The following ADCY7 variants were observed in gnomAD, a reference collection of about 807,000 sequenced individuals.
ADCY7 encodes adenylate cyclase type 7.
Under a neutral mutation model 120.6 loss-of-function variants are expected in ADCY7, and 72 were observed. The observed-to-expected ratio is 0.60, with a 90% CI of 0.49 to 0.73. The LOEUF (loss-of-function observed/expected upper bound fraction) is 0.73. Among genes scored for constraint, ADCY7 ranks in the 30% least tolerant of loss-of-function variants. ADCY7 has a pLI of 0.00. For synonymous variants in ADCY7, 661 were observed against 628.0 expected, an observed-to-expected ratio of 1.05 and a Z score of -0.78; for missense variants, 1,227 against 1,486.0, an observed-to-expected ratio of 0.83 and a Z score of 2.87.
intron 7 of ADCY7, among the ~76,000 whole-genome samples, 198 bp downstream of exon 7, chr16:50,294,949 C>G (rs2035249198): frequency 6.6e-6 from 1 of 152,116 alleles, no homozygotes; most frequent in Non-Finnish European, 1.5e-5. Flanking sequence ...ATCCTGTGCC[C>G]CCAGAGTGAC....
At chr16:50,273,474 C>G (rs1487750106) in intron 1 of ADCY7, among the ~76,000 whole-genome samples, 1 of 152,224 alleles carries the variant, frequency 6.6e-6, no homozygotes, top group Non-Finnish European at 1.5e-5. Flanking sequence ...TGTGTTGTAG[C>G]AGCAGCAGTG....
At chr16:50,296,087 C>T (rs2035331891) in intron 7 of ADCY7, among the ~76,000 whole-genome samples, 1 of 152,212 alleles carries the variant, frequency 6.6e-6, no homozygotes, top group Non-Finnish European at 1.5e-5. Flanking sequence ...GAGTCTTGCT[C>T]TGTCACCTAG....
intron 1 of ADCY7, among the ~76,000 whole-genome samples, chr16:50,260,901 G>T (rs963680451): frequency 6.6e-6 from 1 of 152,194 alleles, no homozygotes; most frequent in Non-Finnish European, 1.5e-5. Context: ...GCCGCATATT[G>T]TGGTTTCCAC....
chr16:50,283,638 C>T (rs1200606500), intron 1 of ADCY7, among the ~76,000 whole-genome samples: 1 of 152,236 alleles, frequency 6.6e-6, no homozygotes, highest in Admixed American at 6.5e-5. Context: ...GGGGAGTCCC[C>T]TCTTCTTTAA....
chr16:50,263,051 G>A (rs2033101357), upstream of ADCY7, among the ~76,000 whole-genome samples: 1 of 152,218 alleles, frequency 6.6e-6, no homozygotes, highest in African/African-American at 2.4e-5. Context: ...CATGGGTTGT[G>A]AAGTCAGGTA....
chr16:50,300,842 G>T lies in ADCY7; in HGVS notation c.1204G>T (p.Ala402Ser). The T allele has an allele frequency of 8.3e-6, 13 of 1,558,470 alleles. No homozygotes were observed. The highest frequency in any genetic ancestry group is 1.1e-5 in the Non-Finnish European group (13 of 1,150,956). ...CGTGTGGTCCCACGACGTGTCCCTG[G>T]CCAACCGGATGGAGGCAGCCGGAGT... ...YDVWSHDVSL[A>S]NRMEAAGVPG... The change falls in exon 9 of 26, where the codon GCC (alanine) becomes TCC (serine). Residue 402 changes from alanine (A) to serine (S), a missense_variant. Ala to Ser is a moderately conservative substitution (Grantham distance 99). Coordinates refer to ENST00000673801, the MANE Select transcript of ADCY7 (RefSeq NM_001114.5).
upstream of ADCY7, among the ~76,000 whole-genome samples, chr16:50,262,428 T>A (rs1002754354): frequency 1.3e-5 from 2 of 151,950 alleles, no homozygotes; most frequent in African/African-American, 4.8e-5. Context: ...GGCTAATTTT[T>A]GTATTCCTCC....
chr16:50,311,871 C>A, intron 20 of ADCY7, 85 bp downstream of exon 20: 1 of 1,320,378 alleles, frequency 7.6e-7, no homozygotes, highest in Non-Finnish European at 1.0e-6. Context: ...GTGGGGTGGG[C>A]TCAGGTGGAG....
intron 15 of ADCY7, among the ~76,000 whole-genome samples, chr16:50,307,473 C>T (rs541174773): frequency 6.6e-5 from 10 of 152,222 alleles, no homozygotes; most frequent in Admixed American, 2.6e-4. Flanking sequence ...AAACTGTAGG[C>T]GCCATCCTTT....
chr16:50,296,967 A>C (rs2035392987), intron 7 of ADCY7, among the ~76,000 whole-genome samples: 1 of 152,212 alleles, frequency 6.6e-6, no homozygotes, highest in Non-Finnish European at 1.5e-5. Flanking sequence ...TGGGAGCCCC[A>C]GAGGTTGGGC....
chr16:50,309,645 C>T lies in ADCY7; in HGVS notation c.2159C>T (p.Pro720Leu), dbSNP rs757281639. ...SKTRALCEPL[P>L]YYTCSCVLGF... ...ACAAGAGCCCTGTGTGAGCCCCTCC[C>T]GGTGAGTGCGCCGGGCCCGGCTCCG... Residue 720 changes from proline (P) to leucine (L), a missense_variant and splice_region_variant, in exon 18 of 26, where the codon CCG becomes CTG. Pro to Leu is a moderately conservative substitution (Grantham distance 98, BLOSUM62 -3). Around this residue, in one of 5 missense-constraint regions of ADCY7, gnomAD observed 267 missense variants for 270.0 expected, o/e 0.99. Transcript: ENST00000673801. 48 of 1,608,494 alleles carry T rather than the reference C, an allele frequency of 3.0e-5. No homozygotes were observed. The highest frequency in any genetic ancestry group is 4.0e-5 in the African/African-American group (3 of 75,068).
At chr16:50,292,942 G>A in intron 5 of ADCY7, 117 bp downstream of exon 5, 1 of 1,340,748 alleles carries the variant, frequency 7.5e-7, no homozygotes, top group Non-Finnish European at 1.0e-6. Context: ...ACCCATGCAG[G>A]TCTCACCTCG....
upstream of ADCY7, among the ~76,000 whole-genome samples, chr16:50,262,023 G>A (rs572985602): frequency 6.6e-6 from 1 of 152,282 alleles, no homozygotes; most frequent in African/African-American, 2.4e-5. Context: ...GTAAGGGCTC[G>A]ACATCTAGGT....
At chr16:50,305,734 C>G (rs759772946) in intron 13 of ADCY7, 43 bp from the exon 14 acceptor site, 4 of 1,564,196 alleles carry the variant, frequency 2.6e-6, no homozygotes, top group Non-Finnish European at 3.5e-6. Context: ...GGGAATGGAC[C>G]CCTTCCCAGC....
At chr16:50,272,332 C>T (rs2033626857) in intron 1 of ADCY7, among the ~76,000 whole-genome samples, 1 of 152,196 alleles carries the variant, frequency 6.6e-6, no homozygotes, top group African/African-American at 2.4e-5. Context: ...GCTCTTCCTG[C>T]CCTCCAGGGT....
At chr16:50,295,007 T>G (rs1253580345) in intron 7 of ADCY7, among the ~76,000 whole-genome samples, 2 of 152,122 alleles carry the variant, frequency 1.3e-5, no homozygotes, top group Non-Finnish European at 2.9e-5. Flanking sequence ...ATACTGGGGC[T>G]CTGGAGCTCA....
chr16:50,245,376 A>G (rs2032547308), upstream of ADCY7, among the ~76,000 whole-genome samples: 1 of 152,146 alleles, frequency 6.6e-6, no homozygotes, highest in Admixed American at 6.5e-5. Flanking sequence ...GGCGGGATTC[A>G]TGGGGGTCTG....
At position 50,292,743 on chromosome 16, in the gene ADCY7, A is replaced by G. The variant is rs968398696; in HGVS notation, c.605A>G (p.Gln202Arg). ...LTGAFHKHQM[Q>R]DASRDLFTYT... ...GGCGCCTTCCACAAGCACCAAATGC[A>G]GGATGCATCCCGGGACCTCTTCACC... Residue 202 changes from glutamine (Q) to arginine (R), a missense_variant, in exon 5 of 26, where the codon CAG (glutamine) becomes CGG (arginine). Coordinates refer to ENST00000673801, the MANE Select transcript of ADCY7 (RefSeq NM_001114.5). 8 of 1,614,002 alleles carry G rather than the reference A, an allele frequency of 5.0e-6. No homozygotes were observed. Among genetic ancestry groups the G allele is most frequent in the Middle Eastern group, 1.7e-4 (1 of 6,060 alleles).
At chr16:50,314,224 C>G in intron 23 of ADCY7, 68 bp from the exon 24 acceptor site, 2 of 1,490,548 alleles carry the variant, frequency 1.3e-6, no homozygotes, top group South Asian at 1.2e-5. Flanking sequence ...ACAAGAGTGG[C>G]GCGCCAGGGC....
Sources: gnomAD v4.1 joint callset for allele counts (sites outside exome capture counted in the v4.1 genomes callset) on GRCh38, gnomAD v4.1.1 for gene constraint, gnomAD v4.1.1 regional missense constraint, MANE v1.5 for transcripts, NCBI Gene and HGNC (gene_info 2026-07-23, HGNC 2026-07-21) for gene names.